C16orf78: variants seen among roughly 807,000 people sequenced by gnomAD.
C16orf78 encodes the protein uncharacterized protein C16orf78.
C16orf78 carries 19 observed loss-of-function variants against 27.3 expected under a neutral mutation model. The ratio of observed to expected loss-of-function variants is 0.70; its 90% CI spans 0.49 to 1.02. The LOEUF is 1.02. Ranked by LOEUF, C16orf78 falls within the 50% of genes least tolerant of loss-of-function variation. The pLI, the probability that C16orf78 is intolerant of heterozygous loss-of-function variation, is 0.00. For missense variants in C16orf78, 339 were observed against 337.0 expected, an observed-to-expected ratio of 1.01 and a Z score of -0.05; for synonymous variants, 130 against 116.1, an observed-to-expected ratio of 1.12 and a Z score of -0.77.
Position 49,384,219 on chromosome 16 carries a change from G to A in C16orf78, c.394+5626G>A, listed in dbSNP as rs192791599. Among the ~76,000 whole-genome samples the A allele has an allele frequency of 5.8e-3, 886 of 151,824 alleles. 11 individuals are homozygous for A. Among genetic ancestry groups the A allele is most frequent in the African/African-American group, 0.02 (826 of 41,418 alleles). Reference sequence around the variant, plus strand: ...CAAAGTTAGCTGGTTGTGGTGGTGCGTGCCTGTAATCCCAGCTACTCAGGA... The same window carrying A: ...CAAAGTTAGCTGGTTGTGGTGGTGCATGCCTGTAATCCCAGCTACTCAGGA... On this transcript the variant is annotated intron_variant, in intron 3 of 4. Transcript: ENST00000299191.
At chr16:49,379,934 C>A (rs1231918130) in intron 3 of C16orf78, among the ~76,000 whole-genome samples, 1 of 152,192 alleles carries the variant, frequency 6.6e-6, no homozygotes, top group African/African-American at 2.4e-5. Flanking sequence ...GACCCACCCT[C>A]AACCTGAGTG....
intron 3 of C16orf78, among the ~76,000 whole-genome samples, chr16:49,395,990 C>T (rs1681914227): frequency 6.6e-6 from 1 of 152,156 alleles, no homozygotes; most frequent in South Asian, 2.1e-4. Flanking sequence ...TGCCTGTAAT[C>T]CCAGCACTTT....
intron 1 of C16orf78, among the ~76,000 whole-genome samples, chr16:49,376,699 A>G (rs1965223073): frequency 6.6e-6 from 1 of 152,146 alleles, no homozygotes; most frequent in Non-Finnish European, 1.5e-5. Flanking sequence ...CCTGCCTCCC[A>G]TAATTCATGG....
rs555063480 is a variant in C16orf78, at chr16:49,379,596, T to C, written c.394+1003T>C. Among the ~76,000 whole-genome samples, 18 of 152,260 alleles carry C rather than the reference T, an allele frequency of 1.2e-4. 1 individual carries two copies. The South Asian group carries it at 3.3e-3, about 28-fold the overall frequency. On this transcript the variant is annotated intron_variant, in intron 3 of 4. Transcript: ENST00000299191. ...AATGCAGTCGGCTTTCAGTGCAGTT[T>C]AGGATCCTAGATTAAATCCTAGAAT...
chr16:49,399,409 A>C lies in C16orf78; in HGVS notation c.*131A>C. The stretch of plus-strand genomic sequence containing the variant: ...CCCTTTAGAAAGTAAGCAATCAGAA[A>C]ACAAGCCTCGGCTGTGTGATCATTG... On this transcript the variant is annotated 3_prime_UTR_variant, in exon 5 of 5. Coordinates refer to ENST00000299191, the MANE Select transcript of C16orf78 (RefSeq NM_144602.4). The C allele has an allele frequency of 8.9e-7, 1 of 1,126,114 alleles. No individual in the cohort carries two copies. Among genetic ancestry groups the C allele is most frequent in the Non-Finnish European group, 1.3e-6 (1 of 796,678 alleles). 69.8% of individuals were successfully genotyped at this position (1,126,114 alleles called of 1,614,324 possible). A position where few individuals can be genotyped will look rare whatever the true frequency, so the allele number is the denominator to read the frequency against.
chr16:49,394,932 A>T (rs994194522), intron 3 of C16orf78, among the ~76,000 whole-genome samples: 1 of 152,130 alleles, frequency 6.6e-6, no homozygotes, highest in African/African-American at 2.4e-5. Flanking sequence ...CAGTGGTGTG[A>T]TCATAGCTCA....
intron 1 of C16orf78, among the ~76,000 whole-genome samples, chr16:49,377,166 G>C (rs1413735111): frequency 3.9e-5 from 6 of 152,218 alleles, no homozygotes; most frequent in Non-Finnish European, 7.3e-5. Context: ...ATTCAGGGCA[G>C]GGTGTGCTCA....
intron 3 of C16orf78, among the ~76,000 whole-genome samples, chr16:49,393,928 A>G (rs1185406004): frequency 2.0e-5 from 3 of 152,118 alleles, no homozygotes; most frequent in Non-Finnish European, 4.4e-5. Context: ...AAGAATTGTA[A>G]TAGAATACTA....
chr16:49,384,813 A>G (rs1216765651), intron 3 of C16orf78, among the ~76,000 whole-genome samples: 1 of 152,242 alleles, frequency 6.6e-6, no homozygotes, highest in Non-Finnish European at 1.5e-5. Context: ...GCTACTTGTC[A>G]TATACAAGGA....
intron 3 of C16orf78, among the ~76,000 whole-genome samples, chr16:49,389,875 A>G (rs1260779879): frequency 6.6e-6 from 1 of 152,194 alleles, no homozygotes; most frequent in African/African-American, 2.4e-5. Context: ...CATTGGATCC[A>G]GATTTCTGTG....
intron 1 of C16orf78, among the ~76,000 whole-genome samples, chr16:49,377,446 A>G (rs2151610402): frequency 6.6e-6 from 1 of 152,042 alleles, no homozygotes; most frequent in South Asian, 2.1e-4. Context: ...CAGGCTAGGG[A>G]GTGAGGCCCT....
chr16:49,377,867 TC>T lies in C16orf78; in HGVS notation c.270+22del, dbSNP rs893416041. 1 of 1,558,506 alleles carries T rather than the reference TC, an allele frequency of 6.4e-7. No homozygotes were observed. The highest frequency in any genetic ancestry group is 1.4e-5 in the African/African-American group (1 of 73,706). On this transcript the variant is annotated intron_variant, in intron 2 of 4. Transcript: ENST00000299191. ...TCCCAGCAGGTAATGCAGCCCCTCTTCCCCCACTCACCCCCACTGGGTCTCC... is the reference window on the plus strand; with the variant it reads ...TCCCAGCAGGTAATGCAGCCCCTCTTCCCCACTCACCCCCACTGGGTCTCC...
Position 49,396,601 on chromosome 16 carries a change from G to A in C16orf78, c.573G>A (p.Lys191=). ...ACATGGCTTACGAACGCAAGCTAAA[G>A]AGCCTCATGGAGAAAAGCACCGAAC... ...MPDMAYERKL[K]SLMEKSTEPK... The change falls in exon 4 of 5, where the codon AAG becomes AAA. Residue 191 remains lysine (K), a synonymous_variant. Transcript: ENST00000299191. 6.2e-7 allele frequency: 1 copy of A among 1,614,044 alleles called. No homozygotes were observed. Among genetic ancestry groups the A allele is most frequent in the Non-Finnish European group, 8.5e-7 (1 of 1,180,040 alleles).
intron 3 of C16orf78, among the ~76,000 whole-genome samples, chr16:49,392,865 T>C (rs1965429338): frequency 6.6e-6 from 1 of 152,176 alleles, no homozygotes; most frequent in Admixed American, 6.5e-5. Context: ...GTTCCCACAA[T>C]TCCCAGGTAT....
chr16:49,387,734 G>C (rs935569890), intron 3 of C16orf78, among the ~76,000 whole-genome samples: 2 of 152,106 alleles, frequency 1.3e-5, no homozygotes, highest in African/African-American at 4.8e-5. Flanking sequence ...CAATTTTGGA[G>C]CTCATTATTA....
intron 3 of C16orf78, among the ~76,000 whole-genome samples, chr16:49,394,386 C>T (rs1965446996): frequency 6.6e-6 from 1 of 151,816 alleles, no homozygotes; most frequent in African/African-American, 2.4e-5. Flanking sequence ...TTTATTACAG[C>T]AGGTGAGAAG....
At chr16:49,392,948 A>G (rs1373001233) in intron 3 of C16orf78, among the ~76,000 whole-genome samples, 1 of 152,134 alleles carries the variant, frequency 6.6e-6, no homozygotes, top group Non-Finnish European at 1.5e-5. Flanking sequence ...ATGATAGTGA[A>G]TAAGTCTCAT....
chr16:49,383,448 G>A (rs1443661370), intron 3 of C16orf78, among the ~76,000 whole-genome samples: 1 of 152,204 alleles, frequency 6.6e-6, no homozygotes, highest in African/African-American at 2.4e-5. Context: ...CCAGGAAATG[G>A]TCCTATCTCA....
At chr16:49,393,464 A>G (rs758253730) in intron 3 of C16orf78, among the ~76,000 whole-genome samples, 1 of 152,232 alleles carries the variant, frequency 6.6e-6, no homozygotes, top group East Asian at 1.9e-4. Flanking sequence ...TAAACCAACA[A>G]TTAGAAATAA....
Sources: gnomAD v4.1 joint callset for allele counts (sites outside exome capture counted in the v4.1 genomes callset) on GRCh38, gnomAD v4.1.1 for gene constraint, MANE v1.5 for transcripts, NCBI Gene and HGNC (gene_info 2026-07-23, HGNC 2026-07-21) for gene names.